Variants in SEC16B observed in about 807,000 individuals in gnomAD.
SEC16B encodes protein transport protein Sec16B.
Under a neutral mutation model 141.8 loss-of-function variants are expected in SEC16B, and 115 were observed. The ratio of observed to expected loss-of-function variants is 0.81; its 90% confidence interval spans 0.70 to 0.95. The LOEUF is 0.95. Among genes scored for constraint, SEC16B ranks in the 40% least tolerant of loss-of-function variants. The probability of loss-of-function intolerance (pLI) is 0.00; values close to 1 mark genes in which losing one functional copy is unlikely to be tolerated. For synonymous variants in SEC16B, 493 were observed against 492.5 expected (o/e 1.00, Z -0.01); for missense variants, 1,291 against 1,312.3 (o/e 0.98, Z 0.25).
intron 1 of SEC16B, among the ~76,000 whole-genome samples, chr1:177,975,697 C>T (rs1323732823): frequency 6.6e-6 from 1 of 152,188 alleles, no homozygotes; most frequent in East Asian, 1.9e-4. Flanking sequence ...ACATCTGATG[C>T]ATTGTGGCTC....
At chr1:177,968,861 T>C (rs1653756503) in intron 1 of SEC16B, among the ~76,000 whole-genome samples, 1 of 152,194 alleles carries the variant, frequency 6.6e-6, no homozygotes, top group Non-Finnish European at 1.5e-5. Context: ...CTCAGGATTC[T>C]TCCCGGTTGG....
At chr1:177,974,689 G>A (rs931258295), upstream of SEC16B, among the ~76,000 whole-genome samples, 8 of 152,154 alleles carry the variant, frequency 5.3e-5, no homozygotes, top group South Asian at 6.2e-4. Context: ...TGGAAATTAC[G>A]GAAGAGGAGG....
intron 8 of SEC16B, 56 bp from the exon 9 acceptor site, chr1:177,959,031 C>T (rs533448257): frequency 6.0e-5 from 94 of 1,566,370 alleles, no homozygotes; most frequent in East Asian, 2.5e-4. Context: ...TTCCCTGTTT[C>T]GGACCCCAGG....
intron 11 of SEC16B, among the ~76,000 whole-genome samples, chr1:177,952,414 G>A (rs1373809636): frequency 6.6e-6 from 1 of 151,984 alleles, no homozygotes; most frequent in Non-Finnish European, 1.5e-5. Flanking sequence ...CCTCCTCCAC[G>A]CCAAGCCCAC....
chr1:177,983,856 G>A (rs907167692), intron 1 of SEC16B, among the ~76,000 whole-genome samples: 8 of 152,114 alleles, frequency 5.3e-5, no homozygotes, highest in Admixed American at 1.3e-4. Context: ...AATCAAACCT[G>A]CCTAAAGTTT....
intron 10 of SEC16B, among the ~76,000 whole-genome samples, chr1:177,956,257 G>A (rs186321367): frequency 6.6e-6 from 1 of 152,182 alleles, no homozygotes; most frequent in African/African-American, 2.4e-5. Flanking sequence ...CACACTATAA[G>A]GGCAGACCTG....
intron 1 of SEC16B, among the ~76,000 whole-genome samples, chr1:177,969,310 A>G (rs1420857734): frequency 6.6e-6 from 1 of 152,194 alleles, no homozygotes; most frequent in African/African-American, 2.4e-5. Flanking sequence ...ACGGCAGAAC[A>G]CACAAGAAGA....
In SEC16B at chr1:177,945,113, C is replaced by T. The variant is rs368801439; in HGVS notation, c.1776-447G>A. 2.0e-4 allele frequency among the ~76,000 whole-genome samples: 30 copies of T among 152,274 alleles called. 1 individual carries two copies. In the East Asian group the frequency reaches 2.9e-3, roughly 15 times the overall value. On this transcript the variant is annotated intron_variant, in intron 14 of 25. Transcript: ENST00000308284. ...AAAAGAGGGGAGCCATGTAACACTC[C>T]GGGAGCACTGAGACCAAAAGGCATG...
intron 25 of SEC16B, 92 bp from the exon 26 acceptor site, chr1:177,930,021 G>T: frequency 1.6e-6 from 2 of 1,252,906 alleles, no homozygotes; most frequent in Non-Finnish European, 2.3e-6. Flanking sequence ...GGCACCCTGA[G>T]CCTCTGTGTA....
chr1:177,967,741 G>A lies in SEC16B; in HGVS notation c.241C>T (p.Gln81Ter), dbSNP rs1653654789. The A allele has an allele frequency of 1.2e-6, 2 of 1,613,502 alleles. No individual in the cohort carries two copies. Among genetic ancestry groups the A allele is most frequent in the Admixed American group, 1.7e-5 (1 of 60,000 alleles). Residue 81 changes from glutamine (Q) to a stop codon, truncating the protein, a stop_gained, in exon 2 of 26, where the codon CAG becomes TAG. Transcript: ENST00000308284. LOFTEE classifies it high-confidence loss of function. ...HYASRPGDWH[Q>*]PVSGVDYYEG... Reference sequence around the variant, plus strand: ...TAATAGTCAACTCCAGACACAGGCTGATGCCAGTCCCCTGGCCTGGATGCA... The same window carrying A: ...TAATAGTCAACTCCAGACACAGGCTAATGCCAGTCCCCTGGCCTGGATGCA...
chr1:177,938,267 G>T (rs764696764), intron 18 of SEC16B, among the ~76,000 whole-genome samples: 1 of 152,214 alleles, frequency 6.6e-6, no homozygotes, highest in Non-Finnish European at 1.5e-5. Context: ...CCAGTTTACA[G>T]AGGCTCCCCA....
At chr1:177,955,893 T>C (rs1227937941) in intron 10 of SEC16B, among the ~76,000 whole-genome samples, 1 of 152,256 alleles carries the variant, frequency 6.6e-6, no homozygotes, top group East Asian at 1.9e-4. Flanking sequence ...AACATTGTAA[T>C]TGCAAAAGAT....
intron 10 of SEC16B, among the ~76,000 whole-genome samples, chr1:177,955,230 T>C (rs554786749): frequency 6.7e-6 from 1 of 150,224 alleles, no homozygotes; most frequent in South Asian, 2.2e-4. Context: ...GTGCGGTGGC[T>C]CACACCTGTA....
In SEC16B at chr1:177,937,488, A is replaced by G. The variant is rs1650939978; in HGVS notation, c.2229T>C (p.Ser743=). 1 of 1,566,552 alleles carries G rather than the reference A, an allele frequency of 6.4e-7. No homozygotes were observed. Among genetic ancestry groups the G allele is most frequent in the East Asian group, 2.3e-5 (1 of 43,916 alleles). The change falls in exon 19 of 26, where the codon TCT becomes TCC. Residue 743 remains serine (S), a synonymous_variant. Transcript: ENST00000308284. ...TTENTFYQDF[S]GCQGYSEAPG... is the part of the protein sequence containing the mutation. ...GGGCTTCAGAGTAGCCTTGACATCC[A>G]GAAAAGTCCTGGTAGAAAGTGTTTT...
chr1:177,965,087 G>C lies in SEC16B; in HGVS notation c.493C>G (p.Gln165Glu), dbSNP rs757289972. The C allele has an allele frequency of 6.2e-7, 1 of 1,613,462 alleles. No homozygotes were observed. The highest frequency in any genetic ancestry group is 1.7e-5 in the Admixed American group (1 of 59,978). ...CTATTTGTTCCAAATGGACTGTGCTGGTTTTCATAATGATGTTCATCAAGG... is the reference window on the plus strand; with the variant it reads ...CTATTTGTTCCAAATGGACTGTGCTCGTTTTCATAATGATGTTCATCAAGG... The part of the protein sequence containing the change: ...KYLDEHHYEN[Q>E]HSPFGTNSET... The change falls in exon 4 of 26, where the codon CAG becomes GAG. Residue 165 changes from glutamine (Q) to glutamate (E), a missense_variant. Gln to Glu is a conservative substitution (Grantham distance 29, BLOSUM62 2). Transcript: ENST00000308284.
chr1:177,949,003 A>G lies in SEC16B; in HGVS notation c.1546-1061T>C, dbSNP rs973529505. 4.0e-5 allele frequency among the ~76,000 whole-genome samples: 6 copies of G among 151,842 alleles called. No individual in the cohort carries two copies. In the East Asian group the frequency reaches 1.2e-3, roughly 30 times the overall value. ...TGATTTGCATAGCCGCCTACCTTCC[A>G]ATTTGTTATATAGATAGGTAGGGCA... On this transcript the variant is annotated intron_variant, in intron 12 of 25. Coordinates refer to ENST00000308284, the MANE Select transcript of SEC16B (RefSeq NM_033127.4).
intron 1 of SEC16B, among the ~76,000 whole-genome samples, chr1:177,979,146 T>C (rs898859808): frequency 3.9e-5 from 6 of 152,218 alleles, no homozygotes; most frequent in Admixed American, 3.3e-4. Flanking sequence ...AGCCATGTAA[T>C]ATAGTAATAT....
intron 5 of SEC16B, 45 bp downstream of exon 5, chr1:177,964,126 C>T (rs1290557842): frequency 1.8e-5 from 25 of 1,399,022 alleles, no homozygotes; most frequent in East Asian, 4.8e-5. Context: ...GTGTCAGCTG[C>T]GACACATGGC....
chr1:177,979,215 C>A (rs1292878216), intron 1 of SEC16B, among the ~76,000 whole-genome samples: 2 of 152,100 alleles, frequency 1.3e-5, no homozygotes, highest in Non-Finnish European at 2.9e-5. Context: ...ATAACTATAA[C>A]CTTCAAAGTT....
Sources: allele counts gnomAD v4.1 joint callset (sites outside exome capture counted in the v4.1 genomes callset), GRCh38; gene constraint gnomAD v4.1.1; transcripts MANE v1.5; gene names NCBI Gene and HGNC (gene_info 2026-07-23, HGNC 2026-07-21).